PASD1: variants seen among roughly 807,000 people sequenced by gnomAD.
The protein encoded by PASD1 is circadian clock protein PASD1.
PASD1 carries 13 observed loss-of-function variants against 58.8 expected under a neutral mutation model. The observed-to-expected ratio is 0.22, with a 90% confidence interval of 0.14 to 0.35. PASD1 has a LOEUF of 0.35. Among genes scored for constraint, PASD1 ranks in the 10% least tolerant of loss-of-function variants. The pLI, the probability that PASD1 is intolerant of heterozygous loss-of-function variation, is 1.00. For missense variants in PASD1, 734 were observed against 568.3 expected (o/e 1.29, Z -2.96); for synonymous variants, 236 against 216.7 (o/e 1.09, Z -0.78).
intron 15 of PASD1, among the ~76,000 whole-genome samples, 156 bp from the exon 16 acceptor site, chrX:151,675,841 G>A (rs1024646420): frequency 2.7e-5 from 3 of 112,625 alleles, no homozygotes; most frequent in African/African-American, 9.7e-5. Context: ...CTTATCTTCT[G>A]TAGCTCCTCC....
At chrX:151,673,763 C>A in intron 14 of PASD1, 165 bp from the exon 15 acceptor site, 1 of 550,760 alleles carries the variant, frequency 1.8e-6, no homozygotes, top group Non-Finnish European at 3.0e-6. Flanking sequence ...ATTACTTTGA[C>A]AAGTTGAATC....
chrX:151,563,885 T>TG (rs1228747261), intron 1 of PASD1, 46 bp downstream of exon 1: 2 of 112,091 alleles, frequency 1.8e-5, no homozygotes, highest in African/African-American at 6.5e-5. Flanking sequence ...TAAAATGCCT[T>TG]GGGGTGGCGG....
intron 1 of PASD1, among the ~76,000 whole-genome samples, chrX:151,565,095 G>T (rs1046193749): frequency 2.7e-5 from 3 of 111,904 alleles, no homozygotes; most frequent in South Asian, 7.5e-4. Context: ...AGGCATCCTG[G>T]TTTTTTTGAG....
rs1296157002 is a variant in PASD1 at position 151,649,103 on chromosome X, T to C, written c.717+401T>C. Among the ~76,000 whole-genome samples, 3 of 111,875 alleles carry C rather than the reference T, an allele frequency of 2.7e-5. No homozygotes were observed. The Admixed American group carries it at 2.8e-4, about 11-fold the overall frequency. On this transcript the variant is annotated intron_variant, in intron 9 of 15. Transcript: ENST00000370357. ...CATCAATTTATTCATTAACCAGATA[T>C]GACTAGAAAGAATCCTTAAGGGACA...
chrX:151,660,296 C>T (rs951112563), intron 10 of PASD1, among the ~76,000 whole-genome samples: 1 of 111,882 alleles, frequency 8.9e-6, no homozygotes, highest in Non-Finnish European at 1.9e-5. Flanking sequence ...AAGTACAAAA[C>T]TTAAGGAAAT....
At chrX:151,659,617 A>C (rs1250332154) in intron 9 of PASD1, 96 bp from the exon 10 acceptor site, 1 of 852,471 alleles carries the variant, frequency 1.2e-6, no homozygotes, top group African/African-American at 2.0e-5. Context: ...AGAAATTGTG[A>C]TGTGAAATGC....
intron 1 of PASD1, among the ~76,000 whole-genome samples, chrX:151,566,236 C>T (rs948422856): frequency 1.8e-5 from 2 of 112,137 alleles, no homozygotes; most frequent in African/African-American, 6.5e-5. Flanking sequence ...TATTATATCC[C>T]ATTATTTGCT....
rs887311314 is a variant in PASD1 at position 151,672,521 on chromosome X, C to T, written c.1776C>T (p.Asp592=). Residue 592 remains aspartate (D), a synonymous_variant, in exon 14 of 16, where the codon GAC becomes GAT. Transcript: ENST00000370357. ...AGATATGCCTGCAAAACCCACGTGA[C>T]GTATCTGTGCCCCTCTGCAATCACC... ...RVQICLQNPR[D]VSVPLCNHPV... 4 of 1,210,082 alleles carry T rather than the reference C, an allele frequency of 3.3e-6. No individual in the cohort carries two copies. Among genetic ancestry groups the T allele is most frequent in the East Asian group, 3.0e-5 (1 of 33,755 alleles).
At chrX:151,636,745 G>T (rs2013935778) in intron 8 of PASD1, among the ~76,000 whole-genome samples, 1 of 111,165 alleles carries the variant, frequency 9.0e-6, no homozygotes, top group African/African-American at 3.3e-5. Flanking sequence ...CAATCTATCT[G>T]TTAAATTGTG....
At chrX:151,574,191 T>C (rs778194908) in intron 1 of PASD1, among the ~76,000 whole-genome samples, 1 of 112,521 alleles carries the variant, frequency 8.9e-6, no homozygotes, top group South Asian at 3.7e-4. Context: ...AGTTAAGCAC[T>C]GGGCATAACT....
In PASD1 at chrX:151,674,080, T is replaced by G; in HGVS notation, c.2069T>G (p.Ile690Ser). ...ISTLETPQDYIRLWQELSDSL... is the reference protein window; with the variant it reads ...ISTLETPQDYSRLWQELSDSL... ...ACCCTGGAGACCCCACAGGATTACA[T>G]CCGGCTTTGGCAAGAGTTGTCTGAT... The change falls in exon 15 of 16, where the codon ATC (isoleucine) becomes AGC (serine). Residue 690 changes from isoleucine (I) to serine (S), a missense_variant. Ile to Ser is a moderately radical substitution (Grantham distance 142). Transcript: ENST00000370357. 1.7e-6 allele frequency: 2 copies of G among 1,211,957 alleles called. No homozygotes were observed. The highest frequency in any genetic ancestry group is 1.1e-6 in the Non-Finnish European group (1 of 895,441).
intron 4 of PASD1, among the ~76,000 whole-genome samples, chrX:151,613,197 A>G (rs992259541): frequency 9.0e-6 from 1 of 111,611 alleles, no homozygotes; most frequent in Non-Finnish European, 1.9e-5. Context: ...TGGTACCAGT[A>G]CCATGCTGTT....
intron 9 of PASD1, among the ~76,000 whole-genome samples, chrX:151,657,961 A>G (rs2014267871): frequency 9.0e-6 from 1 of 111,049 alleles, no homozygotes; most frequent in Non-Finnish European, 1.9e-5. Context: ...GTAAAATGCA[A>G]GGATCTCCTA....
intron 13 of PASD1, 124 bp from the exon 14 acceptor site, chrX:151,672,059 A>G (rs773939184): frequency 9.9e-6 from 10 of 1,007,187 alleles, no homozygotes; most frequent in South Asian, 7.6e-5. Flanking sequence ...ACAGATCACT[A>G]TGTGCAGAGA....
chrX:151,621,618 A>G lies in PASD1; in HGVS notation c.418+26A>G, dbSNP rs1475874591. ...GTAAGCAGTTCTGTTTATCTTATCTATATGACATTTATGAGTCATGTAGCC... is the reference window on the plus strand; with the variant it reads ...GTAAGCAGTTCTGTTTATCTTATCTGTATGACATTTATGAGTCATGTAGCC... On this transcript the variant is annotated intron_variant, in intron 6 of 15. Coordinates refer to ENST00000370357, the MANE Select transcript of PASD1 (RefSeq NM_173493.3). 4.7e-6 allele frequency: 5 copies of G among 1,064,179 alleles called. No individual in the cohort carries two copies. In the Admixed American group the frequency reaches 9.5e-5, roughly 20 times the overall value. The allele number at this position is 1,064,179 out of a possible 1,213,427, so 87.7% of individuals were successfully genotyped here. A position where few individuals can be genotyped will look rare whatever the true frequency, so the allele number is the denominator to read the frequency against.
At chrX:151,601,711 G>GT in intron 2 of PASD1, 130 bp downstream of exon 2, 1 of 645,041 alleles carries the variant, frequency 1.6e-6, no homozygotes, top group Non-Finnish European at 2.4e-6. Context: ...GGTTTCTCCA[G>GT]TGTTTTTTTT....
At chrX:151,640,353 GT>G (rs1203473607) in intron 8 of PASD1, among the ~76,000 whole-genome samples, 3 of 112,056 alleles carry the variant, frequency 2.7e-5, no homozygotes, top group African/African-American at 9.7e-5. Flanking sequence ...TCATAAAATA[GT>G]TTTTAGACTG....
intron 1 of PASD1, among the ~76,000 whole-genome samples, chrX:151,590,619 C>T (rs756809826): frequency 3.6e-5 from 4 of 111,598 alleles, no homozygotes; most frequent in African/African-American, 1.3e-4. Flanking sequence ...CTCACTCTGT[C>T]GCCCAGGCTG....
intron 9 of PASD1, among the ~76,000 whole-genome samples, chrX:151,651,154 A>C (rs1158825731): frequency 8.9e-6 from 1 of 112,012 alleles, no homozygotes; most frequent in African/African-American, 3.2e-5. Context: ...ACAAGACATT[A>C]AGTGAGAGTA....
Sources: gnomAD v4.1 joint callset for allele counts (sites outside exome capture counted in the v4.1 genomes callset) on GRCh38, gnomAD v4.1.1 for gene constraint, MANE v1.5 for transcripts, NCBI Gene and HGNC (gene_info 2026-07-23, HGNC 2026-07-21) for gene names.